The following ZNF385B variants were observed in gnomAD, a reference collection of about 807,000 sequenced individuals.
ZNF385B encodes zinc finger protein 385B, also known as zinc finger protein 533.
Under a neutral mutation model 39.2 loss-of-function variants are expected in ZNF385B, and 23 were observed. The observed-to-expected ratio is 0.59, with a 90% CI of 0.42 to 0.83. ZNF385B has a LOEUF of 0.83. Ranked by LOEUF, ZNF385B falls within the 40% of genes least tolerant of loss-of-function variation. The probability of loss-of-function intolerance (pLI) is 0.00; values close to 1 mark genes in which losing one functional copy is unlikely to be tolerated. For synonymous variants in ZNF385B, 205 were observed against 222.6 expected, an observed-to-expected ratio of 0.92 and a Z score of 0.70; for missense variants, 552 against 598.9, an observed-to-expected ratio of 0.92 and a Z score of 0.82.
intron 6 of ZNF385B, among the ~76,000 whole-genome samples, chr2:179,463,360 T>A (rs542695048): frequency 6.8e-6 from 1 of 148,074 alleles, no homozygotes; most frequent in African/African-American, 2.5e-5. Flanking sequence ...TTCTTTTTTT[T>A]ATTCTTATTA....
intron 3 of ZNF385B, among the ~76,000 whole-genome samples, chr2:179,596,060 C>T (rs1687974714): frequency 6.6e-6 from 1 of 152,136 alleles, no homozygotes; most frequent in Non-Finnish European, 1.5e-5. Flanking sequence ...AGTGGATGGA[C>T]TTTTAATATC....
chr2:179,738,342 A>G (rs1701890638), intron 3 of ZNF385B, among the ~76,000 whole-genome samples: 2 of 152,256 alleles, frequency 1.3e-5, no homozygotes, highest in Admixed American at 6.5e-5. Flanking sequence ...GTCACCTTCA[A>G]ATGAAAACAC....
intron 3 of ZNF385B, among the ~76,000 whole-genome samples, chr2:179,549,095 T>A (rs1435360081): frequency 6.7e-6 from 1 of 149,470 alleles, no homozygotes; most frequent in Non-Finnish European, 1.5e-5. Context: ...ACTTCTTTCA[T>A]CTGACATAAT....
At chr2:179,780,238 G>A (rs1009890084) in intron 1 of ZNF385B, among the ~76,000 whole-genome samples, 1 of 152,150 alleles carries the variant, frequency 6.6e-6, no homozygotes, top group African/African-American at 2.4e-5. Context: ...AGAATGAACA[G>A]CAGTACTTCC....
Position 179,444,912 on chromosome 2 carries a change from AG to A in ZNF385B, c.1205del (p.Pro402LeufsTer12), listed in dbSNP as rs1162852454. 1 of 1,614,136 alleles carries A rather than the reference AG, an allele frequency of 6.2e-7. No individual in the cohort carries two copies. Among genetic ancestry groups the A allele is most frequent in the African/African-American group, 1.3e-5 (1 of 75,048 alleles). Reference sequence around the variant, plus strand: ...TCGGGCTCCGCTGGAGTTTGTTGTAAGGGCTGTATTTTGGCTTCAGTGGTTT... The same window carrying A: ...TCGGGCTCCGCTGGAGTTTGTTGTAAGGCTGTATTTTGGCTTCAGTGGTTT... ...AGKPLKPKYS[P>X]YNKLQRSPSI... On this transcript the variant is annotated frameshift_variant, in exon 9 of 10. Coordinates refer to ENST00000410066, the MANE Select transcript of ZNF385B (RefSeq NM_152520.6). LOFTEE classifies it high-confidence loss of function.
In ZNF385B at chr2:179,466,750, G is replaced by A. The variant is rs192755034; in HGVS notation, c.715+16522C>T. ...AGCCTGGCTAACGTGATGCAACTCT[G>A]TTTCTACTAAAAATACAAAAATTAG... On this transcript the variant is annotated intron_variant, in intron 6 of 9. Coordinates refer to ENST00000410066, the MANE Select transcript of ZNF385B (RefSeq NM_152520.6). Among the ~76,000 whole-genome samples, 2 of 151,408 alleles carry A rather than the reference G, an allele frequency of 1.3e-5. 1 individual carries two copies. The highest frequency in any genetic ancestry group is 3.9e-4 in the East Asian group (2 of 5,152).
intron 3 of ZNF385B, among the ~76,000 whole-genome samples, chr2:179,642,326 G>A (rs1190529282): frequency 1.3e-5 from 2 of 152,074 alleles, no homozygotes. Flanking sequence ...GGTCAATAAT[G>A]TTCTTCCTCT....
intron 3 of ZNF385B, among the ~76,000 whole-genome samples, chr2:179,553,046 C>A (rs977348325): frequency 6.7e-6 from 1 of 149,084 alleles, no homozygotes; most frequent in Admixed American, 6.7e-5. Flanking sequence ...ACAACCCAGG[C>A]TATTTGACTT....
At chr2:179,479,302 AG>A (rs2053741937) in intron 6 of ZNF385B, among the ~76,000 whole-genome samples, 1 of 152,200 alleles carries the variant, frequency 6.6e-6, no homozygotes, top group African/African-American at 2.4e-5. Flanking sequence ...CTGACCTGAA[AG>A]AAAAAAAAGA....
chr2:179,686,624 G>A (rs1377235306), intron 3 of ZNF385B, among the ~76,000 whole-genome samples: 1 of 152,132 alleles, frequency 6.6e-6, no homozygotes, highest in Non-Finnish European at 1.5e-5. Flanking sequence ...ACAATGTTTT[G>A]AGTTTATGAT....
At chr2:179,471,965 A>C (rs1024776039) in intron 6 of ZNF385B, among the ~76,000 whole-genome samples, 1 of 152,176 alleles carries the variant, frequency 6.6e-6, no homozygotes, top group Non-Finnish European at 1.5e-5. Context: ...AGTACTAATA[A>C]TCTTGTTTCC....
intron 3 of ZNF385B, among the ~76,000 whole-genome samples, chr2:179,566,240 A>C (rs1175820777): frequency 6.6e-6 from 1 of 152,204 alleles, no homozygotes; most frequent in Admixed American, 6.5e-5. Flanking sequence ...TATGTTCCTA[A>C]TTTTGGCTTT....
At chr2:179,694,785 G>T (rs571896944) in intron 3 of ZNF385B, among the ~76,000 whole-genome samples, 58 of 152,134 alleles carry the variant, frequency 3.8e-4, no homozygotes, top group African/African-American at 1.3e-3. Flanking sequence ...ACAAAAATTA[G>T]CCAGTGTGAT....
At chr2:179,737,230 G>A (rs939680626) in intron 3 of ZNF385B, among the ~76,000 whole-genome samples, 4 of 152,136 alleles carry the variant, frequency 2.6e-5, no homozygotes, top group African/African-American at 7.2e-5. Context: ...TGTCTTCAGC[G>A]AGTCACTTAC....
intron 6 of ZNF385B, among the ~76,000 whole-genome samples, chr2:179,453,575 G>A (rs542082283): frequency 1.3e-5 from 2 of 152,284 alleles, no homozygotes; most frequent in South Asian, 4.2e-4. Context: ...TGCAGGTCTT[G>A]GCAATTTGTT....
At chr2:179,803,742 T>C (rs1706177350) in intron 1 of ZNF385B, among the ~76,000 whole-genome samples, 1 of 151,962 alleles carries the variant, frequency 6.6e-6, no homozygotes, top group Non-Finnish European at 1.5e-5. Context: ...AGAAAGATAA[T>C]TCAGATGTAA....
In ZNF385B at chr2:179,483,209, C is replaced by T. The variant is rs138879831; in HGVS notation, c.715+63G>A. The T allele has an allele frequency of 2.4e-4, 387 of 1,579,620 alleles. No homozygotes were observed. In the African/African-American group the frequency reaches 3.9e-3, roughly 16 times the overall value. ...CATGCAACAACTGAGGGCAGGAAAA[C>T]GGGGTCAGGGCAGGGGAACAGGAGA... On this transcript the variant is annotated intron_variant, in intron 6 of 9. Transcript: ENST00000410066.
chr2:179,472,074 G>A (rs1448567944), intron 6 of ZNF385B, among the ~76,000 whole-genome samples: 2 of 152,096 alleles, frequency 1.3e-5, no homozygotes, highest in Non-Finnish European at 2.9e-5. Flanking sequence ...ATAGAATCCG[G>A]GAAGAGGAAT....
chr2:179,443,700 G>T (rs779808839), intron 9 of ZNF385B, among the ~76,000 whole-genome samples: 11 of 152,296 alleles, frequency 7.2e-5, no homozygotes, highest in East Asian at 1.9e-4. Context: ...ACAGGGAAAG[G>T]CCTCTGAATA....
Sources: allele counts gnomAD v4.1 joint callset (sites outside exome capture counted in the v4.1 genomes callset), GRCh38; gene constraint gnomAD v4.1.1; transcripts MANE v1.5; gene names NCBI Gene and HGNC (gene_info 2026-07-23, HGNC 2026-07-21).